Variants in DDX1 observed in about 807,000 individuals in gnomAD.
The protein encoded by DDX1 is DEAD-box helicase 1, also known as ATP-dependent RNA helicase DDX1.
Under a neutral mutation model 108.7 loss-of-function variants are expected in DDX1, and 28 were observed. The ratio of observed to expected loss-of-function variants is 0.26; its 90% CI spans 0.19 to 0.35. DDX1 has a LOEUF of 0.35. DDX1 is among the 10% of genes least tolerant of loss of function. The pLI is 1.00. For synonymous variants in DDX1, 295 were observed against 288.9 expected, an observed-to-expected ratio of 1.02 and a Z score of -0.21; for missense variants, 710 against 884.5, an observed-to-expected ratio of 0.80 and a Z score of 2.50.
intron 25 of DDX1, 103 bp downstream of exon 25, chr2:15,630,213 A>G: frequency 1.7e-6 from 2 of 1,193,248 alleles, no homozygotes; most frequent in Non-Finnish European, 1.2e-6. Context: ...TTAAGAGTAT[A>G]TTTTTAGCGT....
At chr2:15,630,678 C>A in intron 25 of DDX1, 98 bp from the exon 26 acceptor site, 1 of 1,306,686 alleles carries the variant, frequency 7.7e-7, no homozygotes, top group South Asian at 1.5e-5. Context: ...TTTATTGCTG[C>A]AAGCAAAGTT....
At chr2:15,621,147 AT>A in intron 18 of DDX1, 31 bp downstream of exon 18, 1 of 1,526,568 alleles carries the variant, frequency 6.6e-7, no homozygotes, top group Non-Finnish European at 9.1e-7. Context: ...GTGTTGAAAG[AT>A]TTTGAAAATG....
chr2:15,629,560 C>T lies in DDX1; in HGVS notation c.1876-42C>T, dbSNP rs570776511. 72 of 1,367,200 alleles carry T rather than the reference C, an allele frequency of 5.3e-5. No homozygotes were observed. In the East Asian group the frequency reaches 1.4e-3, roughly 26 times the overall value. 84.7% of individuals were successfully genotyped at this position (1,367,200 alleles called of 1,614,324 possible). On this transcript the variant is annotated intron_variant, in intron 23 of 25. Coordinates refer to ENST00000233084, the MANE Select transcript of DDX1 (RefSeq NM_004939.3). ...TTAGAATAAGATATTTAGCATGTCT[C>T]TATCTCCATGCATGTTAATATTTTT...
Position 15,630,978 on chromosome 2 carries a change from C to T in DDX1, c.*72C>T, listed in dbSNP as rs1666185768. On this transcript the variant is annotated 3_prime_UTR_variant, in exon 26 of 26. Transcript: ENST00000233084. The stretch of plus-strand genomic sequence containing the variant: ...TTAAAACTCTAAAACAGTTGTACTG[C>T]TTCCAAGCAGCAGTATTTATAGTAA... 4.8e-6 allele frequency: 7 copies of T among 1,452,162 alleles called. No homozygotes were observed. The highest frequency in any genetic ancestry group is 6.7e-6 in the Non-Finnish European group (7 of 1,049,624). 90.0% of individuals were successfully genotyped at this position (1,452,162 alleles called of 1,614,324 possible).
At chr2:15,617,473 G>T in intron 15 of DDX1, 131 bp downstream of exon 15, 1 of 416,746 alleles carries the variant, frequency 2.4e-6, no homozygotes, top group Non-Finnish European at 4.1e-6. Flanking sequence ...TATCAGTTTG[G>T]TATATTTTCA....
intron 10 of DDX1, among the ~76,000 whole-genome samples, chr2:15,604,844 G>A (rs1032263246): frequency 6.6e-6 from 1 of 152,156 alleles, no homozygotes; most frequent in Non-Finnish European, 1.5e-5. Context: ...CTTTTGTGTA[G>A]GGCAGTCAAA....
intron 6 of DDX1, among the ~76,000 whole-genome samples, chr2:15,601,281 T>G (rs1243101515): frequency 6.6e-6 from 1 of 152,156 alleles, no homozygotes; most frequent in Non-Finnish European, 1.5e-5. Context: ...TCCCATACTT[T>G]CCCATTATGG....
intron 9 of DDX1, 62 bp from the exon 10 acceptor site, chr2:15,604,375 T>C: frequency 2.8e-6 from 3 of 1,059,526 alleles, no homozygotes; most frequent in South Asian, 1.3e-5. Flanking sequence ...GATGCAGCTA[T>C]ATTTTAACTT....
Position 15,623,438 on chromosome 2 carries a change from A to T in DDX1, c.1450A>T (p.Met484Leu), listed in dbSNP as rs752140647. 5.4e-5 allele frequency: 87 copies of T among 1,612,946 alleles called. No homozygotes were observed. Among genetic ancestry groups the T allele is most frequent in the South Asian group, 6.6e-5 (6 of 90,994 alleles). The change falls in exon 19 of 26, where the codon ATG becomes TTG. Residue 484 changes from methionine (M) to leucine (L), a missense_variant and splice_region_variant. Physicochemically the swap from Met to Leu is conservative, Grantham distance 15. Coordinates refer to ENST00000233084, the MANE Select transcript of DDX1 (RefSeq NM_004939.3). The stretch of plus-strand genomic sequence containing the variant: ...TTGTTGTTGTTATGATATTCAAGAG[A>T]TGTGGTCTGAAGCTATTAAAATCCT... ...NTRPGANSPE[M>L]WSEAIKILKG...
chr2:15,623,656 A>G, intron 19 of DDX1, 74 bp downstream of exon 19: 5 of 1,261,708 alleles, frequency 4.0e-6, no homozygotes, highest in Non-Finnish European at 5.7e-6. Flanking sequence ...TGTTGATGCA[A>G]TCTAGAACAC....
chr2:15,625,681 A>G (rs1666091770), intron 19 of DDX1, among the ~76,000 whole-genome samples: 1 of 152,178 alleles, frequency 6.6e-6, no homozygotes, highest in Non-Finnish European at 1.5e-5. Context: ...GTTTGAAAAT[A>G]TAAATATTGG....
chr2:15,630,760 T>C lies in DDX1; in HGVS notation c.2093-16T>C, dbSNP rs751639240. On this transcript the variant is annotated splice_polypyrimidine_tract_variant and intron_variant, in intron 25 of 25. Transcript: ENST00000233084. Reference sequence around the variant, plus strand: ...GCATGTCATTTACATTACTTTGTTATTTGTGTGTGATGCAGGTGGAAGCTA... The same window carrying C: ...GCATGTCATTTACATTACTTTGTTACTTGTGTGTGATGCAGGTGGAAGCTA... 35 of 1,607,132 alleles carry C rather than the reference T, an allele frequency of 2.2e-5. No homozygotes were observed. Among genetic ancestry groups the C allele is most frequent in the Non-Finnish European group, 2.9e-5 (34 of 1,174,784 alleles).
chr2:15,612,317 A>G (rs1458101924), intron 13 of DDX1, among the ~76,000 whole-genome samples: 1 of 144,192 alleles, frequency 6.9e-6, no homozygotes, highest in African/African-American at 2.6e-5. Context: ...GGCGCTCCTC[A>G]CATCCCAGAC....
At chr2:15,625,090 A>C (rs1666079353) in intron 19 of DDX1, among the ~76,000 whole-genome samples, 1 of 152,178 alleles carries the variant, frequency 6.6e-6, no homozygotes. Context: ...ATAAAGTGTG[A>C]AATACAGTGG....
chr2:15,599,963 G>A (rs886321153), intron 6 of DDX1, among the ~76,000 whole-genome samples: 5 of 152,164 alleles, frequency 3.3e-5, no homozygotes, highest in African/African-American at 9.6e-5. Flanking sequence ...ACAAAAGGAT[G>A]GTTTATTAAG....
chr2:15,596,696 A>T (rs1288661355), intron 3 of DDX1, 38 bp from the exon 4 acceptor site: 1 of 1,595,602 alleles, frequency 6.3e-7, no homozygotes, highest in African/African-American at 1.3e-5. Flanking sequence ...TTAATAGACA[A>T]CTTAATCTGT....
At chr2:15,612,665 G>A (rs1360626823) in intron 13 of DDX1, among the ~76,000 whole-genome samples, 1 of 152,094 alleles carries the variant, frequency 6.6e-6, no homozygotes, top group Non-Finnish European at 1.5e-5. Flanking sequence ...CGGCTGGGAG[G>A]TGGAGGTTGT....
chr2:15,630,124 TATTTTAAATACA>T lies in DDX1; in HGVS notation c.2092+24_2092+35del. ...GGGCTGCTGGTGGTAAGCTTTGAATTATTTTAAATACAATTTTAAATGTAAATATACCTGTTT... is the reference window on the plus strand; with the variant it reads ...GGGCTGCTGGTGGTAAGCTTTGAATTATTTTAAATGTAAATATACCTGTTT... On this transcript the variant is annotated intron_variant, in intron 25 of 25. Transcript: ENST00000233084. 1 of 1,610,948 alleles carries T rather than the reference TATTTTAAATACA, an allele frequency of 6.2e-7. No homozygotes were observed. The highest frequency in any genetic ancestry group is 8.5e-7 in the Non-Finnish European group (1 of 1,179,034).
chr2:15,628,449 G>A lies in DDX1; in HGVS notation c.1691G>A (p.Gly564Glu), dbSNP rs775313016. Reference sequence around the variant, plus strand: ...TCTCTTCACTGTTCTCTTTAGAAAGGAGATGTAAGATTCTTGATTTGCACA... The same window carrying A: ...TCTCTTCACTGTTCTCTTTAGAAAGAAGATGTAAGATTCTTGATTTGCACA... The part of the protein sequence containing the change: ...RKQNLERFKK[G>E]DVRFLICTDV... Residue 564 changes from glycine to glutamate, a missense_variant, in exon 21 of 26, where the codon GGA (glycine) becomes GAA (glutamate). Transcript: ENST00000233084. The A allele has an allele frequency of 4.3e-6, 7 of 1,609,670 alleles. No individual in the cohort carries two copies. In the Admixed American group the frequency reaches 6.7e-5, roughly 15 times the overall value.
Sources: allele counts gnomAD v4.1 joint callset (sites outside exome capture counted in the v4.1 genomes callset), GRCh38; gene constraint gnomAD v4.1.1; transcripts MANE v1.5; gene names NCBI Gene and HGNC (gene_info 2026-07-23, HGNC 2026-07-21).